CSMD1: variants seen among roughly 807,000 people sequenced by gnomAD.
CSMD1 encodes the protein CUB and Sushi multiple domains 1, also known as CUB and sushi domain-containing protein 1.
A neutral mutation model predicts 417.5 loss-of-function variants in CSMD1; 213 were observed. That is an observed-to-expected ratio of 0.51 (90% confidence interval 0.46 to 0.57). The LOEUF (loss-of-function observed/expected upper bound fraction) is 0.57, where lower values mean the gene tolerates loss of function less well. Ranked by LOEUF, CSMD1 falls within the 20% of genes least tolerant of loss-of-function variation. The pLI, the probability that CSMD1 is intolerant of heterozygous loss-of-function variation, is 0.00. For synonymous variants in CSMD1, 2,862 were observed against 1,736.8 expected (o/e 1.65, Z -16.11); for missense variants, 6,923 against 4,529.7 (o/e 1.53, Z -15.17).
intron 3 of CSMD1, among the ~76,000 whole-genome samples, chr8:4,173,476 G>T (rs1037214074): frequency 6.6e-6 from 1 of 152,076 alleles, no homozygotes; most frequent in African/African-American, 2.4e-5. Flanking sequence ...TAGTAAGTTG[G>T]ATCTAGAGAC....
intron 1 of CSMD1, among the ~76,000 whole-genome samples, chr8:4,745,561 G>T (rs1333862639): frequency 6.6e-6 from 1 of 152,020 alleles, no homozygotes; most frequent in Admixed American, 6.5e-5. Flanking sequence ...TTCACTTATT[G>T]AAATGTAGCA....
chr8:4,125,918 A>AG (rs1802738051), intron 3 of CSMD1, among the ~76,000 whole-genome samples: 1 of 152,326 alleles, frequency 6.6e-6, no homozygotes, highest in South Asian at 2.1e-4. Flanking sequence ...TGGCTCCAAG[A>AG]GTATGAACCT....
chr8:4,979,948 G>C (rs558103019), intron 1 of CSMD1, among the ~76,000 whole-genome samples: 48 of 152,330 alleles, frequency 3.2e-4, no homozygotes, highest in African/African-American at 1.0e-3. Flanking sequence ...TGAGGCAGGA[G>C]AATGGTGTGA....
At chr8:3,130,019 T>C (rs925494281) in intron 41 of CSMD1, among the ~76,000 whole-genome samples, 2 of 152,040 alleles carry the variant, frequency 1.3e-5, no homozygotes, top group African/African-American at 4.8e-5. Context: ...TTGAATATGG[T>C]ATTAAGAATA....
At chr8:3,098,333 T>C (rs1330214016) in intron 46 of CSMD1, among the ~76,000 whole-genome samples, 1 of 152,234 alleles carries the variant, frequency 6.6e-6, no homozygotes, top group African/African-American at 2.4e-5. Context: ...TTCAAACAGA[T>C]GAGCGAAGCT....
chr8:4,080,827 A>G (rs2161929), intron 3 of CSMD1, among the ~76,000 whole-genome samples: 110,747 of 152,058 alleles, frequency 0.73, 41,037 homozygotes, highest in South Asian at 0.82. Flanking sequence ...TAAAAATTCA[A>G]TAAAGGTATT....
intron 5 of CSMD1, among the ~76,000 whole-genome samples, chr8:3,843,209 T>C (rs1253799034): frequency 6.6e-6 from 1 of 152,186 alleles, no homozygotes; most frequent in Admixed American, 6.5e-5. Flanking sequence ...AAACCTTGCT[T>C]TCCCATTTTT....
In CSMD1 at chr8:4,375,646, G is replaced by A. The variant is rs561826613; in HGVS notation, c.415+44307C>T. Among the ~76,000 whole-genome samples, 23 of 152,216 alleles carry A rather than the reference G, an allele frequency of 1.5e-4. No homozygotes were observed. The South Asian group carries it at 4.2e-3, about 28-fold the overall frequency. On this transcript the variant is annotated intron_variant, in intron 3 of 69. Transcript: ENST00000635120. ...GGAATTGTGGCTGTGGGATGGTCGC[G>A]GCTGGTGGAAGGATAAGGGAGGAAT...
At position 3,845,832 on chromosome 8, in the gene CSMD1, T is replaced by A. The variant is rs546432150; in HGVS notation, c.819-91790A>T. On this transcript the variant is annotated intron_variant, in intron 5 of 69. Transcript: ENST00000635120. Reference sequence around the variant, plus strand: ...ATTCTATGTGCTTTCTTCTATTTAATTTTTTTTTTACTTTCTATACTTCTT... The same window carrying A: ...ATTCTATGTGCTTTCTTCTATTTAAATTTTTTTTTACTTTCTATACTTCTT... Among the ~76,000 whole-genome samples the A allele has an allele frequency of 2.1e-4, 30 of 145,152 alleles. 1 individual carries two copies. The South Asian group carries it at 4.6e-3, about 22-fold the overall frequency.
intron 37 of CSMD1, among the ~76,000 whole-genome samples, chr8:3,164,531 T>G (rs1445981608): frequency 1.3e-5 from 2 of 152,210 alleles, no homozygotes; most frequent in Non-Finnish European, 2.9e-5. Context: ...TTACTACATT[T>G]AAATCCCATC....
At chr8:3,607,731 T>C (rs1176369688) in intron 8 of CSMD1, among the ~76,000 whole-genome samples, 3 of 152,238 alleles carry the variant, frequency 2.0e-5, no homozygotes, top group Non-Finnish European at 2.9e-5. Flanking sequence ...TCCATATCAG[T>C]CGGTTTTGCC....
intron 5 of CSMD1, among the ~76,000 whole-genome samples, chr8:3,782,604 C>T (rs1209325697): frequency 1.3e-5 from 2 of 152,106 alleles, no homozygotes; most frequent in African/African-American, 2.4e-5. Flanking sequence ...ATGTAACAAA[C>T]CTGCACGTTG....
At chr8:2,996,227 T>C (rs1266759616) in intron 54 of CSMD1, among the ~76,000 whole-genome samples, 3 of 152,126 alleles carry the variant, frequency 2.0e-5, no homozygotes, top group Admixed American at 6.5e-5. Flanking sequence ...AAAAATAACA[T>C]ACTGAACATA....
In CSMD1 at chr8:3,738,287, G is replaced by T. The variant is rs116789412; in HGVS notation, c.931+15643C>A. The stretch of plus-strand genomic sequence containing the variant: ...AGCGACGATCACAGTGGAAGGAAGA[G>T]AAGTCTTAGATATTTGTATGTGTAT... On this transcript the variant is annotated intron_variant, in intron 6 of 69. Transcript: ENST00000635120. 3.5e-3 allele frequency among the ~76,000 whole-genome samples: 530 copies of T among 152,302 alleles called. 4 individuals are homozygous for T. The highest frequency in any genetic ancestry group is 0.012 in the African/African-American group (506 of 41,574).
At chr8:4,793,774 A>T (rs1166643540) in intron 1 of CSMD1, among the ~76,000 whole-genome samples, 1 of 151,858 alleles carries the variant, frequency 6.6e-6, no homozygotes, top group Non-Finnish European at 1.5e-5. Flanking sequence ...ATCTTGAAAG[A>T]AATCTTTCTA....
intron 5 of CSMD1, among the ~76,000 whole-genome samples, chr8:3,831,333 C>G (rs1009781696): frequency 1.3e-5 from 2 of 152,162 alleles, no homozygotes; most frequent in Non-Finnish European, 1.5e-5. Context: ...CTCCATCTGT[C>G]TCCTTCTGGA....
intron 8 of CSMD1, among the ~76,000 whole-genome samples, chr8:3,602,567 C>A (rs977968755): frequency 6.6e-6 from 1 of 152,084 alleles, no homozygotes; most frequent in Admixed American, 6.6e-5. Flanking sequence ...TGTTGACACT[C>A]CTGAACAGAG....
intron 3 of CSMD1, among the ~76,000 whole-genome samples, chr8:4,042,912 G>C (rs891387909): frequency 6.7e-6 from 1 of 148,738 alleles, no homozygotes; most frequent in African/African-American, 2.5e-5. Flanking sequence ...AAGATTATGA[G>C]TTCAGGAGTT....
At chr8:3,052,399 T>G (rs1319988631) in intron 50 of CSMD1, 63 bp downstream of exon 50, 2 of 1,368,090 alleles carry the variant, frequency 1.5e-6, no homozygotes, top group Admixed American at 2.5e-5. Context: ...CCCGGACTTC[T>G]CCCGAAAGCA....
Sources: gnomAD v4.1 joint callset for allele counts (sites outside exome capture counted in the v4.1 genomes callset) on GRCh38, gnomAD v4.1.1 for gene constraint, MANE v1.5 for transcripts, NCBI Gene and HGNC (gene_info 2026-07-23, HGNC 2026-07-21) for gene names.